The following ROBO2 variants were observed in gnomAD, a reference collection of about 807,000 sequenced individuals.
ROBO2 encodes the protein roundabout guidance receptor 2.
In ROBO2, 53 loss-of-function variants were observed where a neutral mutation model predicts 160.8. The ratio of observed to expected loss-of-function variants is 0.33; its 90% CI spans 0.26 to 0.41. ROBO2 has a LOEUF of 0.41. ROBO2 is among the 10% of genes least tolerant of loss of function. ROBO2 has a pLI of 1.00. For missense variants in ROBO2, 1,577 were observed against 1,722.4 expected, an observed-to-expected ratio of 0.92 and a Z score of 1.49; for synonymous variants, 664 against 611.7, an observed-to-expected ratio of 1.09 and a Z score of -1.26.
chr3:76,150,821 C>T (rs895280834), intron 2 of ROBO2, among the ~76,000 whole-genome samples: 17 of 152,164 alleles, frequency 1.1e-4, no homozygotes, highest in African/African-American at 4.1e-4. Context: ...TAGCATTTTT[C>T]TAAAATTAGA....
intron 2 of ROBO2, among the ~76,000 whole-genome samples, chr3:76,303,501 G>A (rs771350144): frequency 7.2e-5 from 11 of 151,848 alleles, no homozygotes; most frequent in Non-Finnish European, 1.2e-4. Context: ...CAAAATGCAC[G>A]CACCCAGGTC....
At chr3:77,229,107 A>G (rs2086845738) in intron 2 of ROBO2, among the ~76,000 whole-genome samples, 1 of 152,152 alleles carries the variant, frequency 6.6e-6, no homozygotes, top group South Asian at 2.1e-4. Context: ...GGTTTCTGTC[A>G]TGTATTTCTC....
intron 2 of ROBO2, among the ~76,000 whole-genome samples, chr3:77,383,422 T>A (rs1021568251): frequency 1.3e-5 from 2 of 152,046 alleles, no homozygotes; most frequent in African/African-American, 4.8e-5. Flanking sequence ...TTAATTAAAA[T>A]ATTTATTTTT....
At chr3:76,218,391 A>G (rs1224093354) in intron 2 of ROBO2, among the ~76,000 whole-genome samples, 2 of 152,124 alleles carry the variant, frequency 1.3e-5, no homozygotes, top group Admixed American at 6.6e-5. Flanking sequence ...TTGCAGATGA[A>G]GTGATTGTAT....
At chr3:76,897,678 A>C (rs902967621) in intron 2 of ROBO2, among the ~76,000 whole-genome samples, 2 of 151,748 alleles carry the variant, frequency 1.3e-5, no homozygotes, top group African/African-American at 2.4e-5. Context: ...TACTTTGTTA[A>C]AATTGAAATT....
chr3:76,642,907 A>G (rs915832397), intron 2 of ROBO2, among the ~76,000 whole-genome samples: 1 of 152,230 alleles, frequency 6.6e-6, no homozygotes. Flanking sequence ...TACTAAAAAA[A>G]TCATTAATAA....
intron 2 of ROBO2, among the ~76,000 whole-genome samples, chr3:76,298,819 T>C (rs187518672): frequency 8.8e-4 from 134 of 152,334 alleles, no homozygotes; most frequent in African/African-American, 2.9e-3. Flanking sequence ...AGATTTAGTA[T>C]CAAATTTTAT....
chr3:76,598,536 T>TA (rs2086889160), intron 2 of ROBO2, among the ~76,000 whole-genome samples: 2 of 152,272 alleles, frequency 1.3e-5, no homozygotes, highest in Admixed American at 6.5e-5. Context: ...TACGGTTTTA[T>TA]AAAATGTTAC....
At chr3:77,053,038 A>G (rs2065377312) in intron 1 of ROBO2, among the ~76,000 whole-genome samples, 2 of 152,328 alleles carry the variant, frequency 1.3e-5, no homozygotes, top group Admixed American at 6.5e-5. Flanking sequence ...AAAAAGTGGT[A>G]TTATTATAAT....
chr3:76,631,300 T>A (rs996442991), intron 2 of ROBO2, among the ~76,000 whole-genome samples: 8 of 152,136 alleles, frequency 5.3e-5, no homozygotes, highest in Non-Finnish European at 1.0e-4. Flanking sequence ...TTAGAAACAA[T>A]CTTGCTATAT....
chr3:77,296,467 A>G (rs2062136678), intron 2 of ROBO2, among the ~76,000 whole-genome samples: 2 of 152,144 alleles, frequency 1.3e-5, no homozygotes, highest in African/African-American at 2.4e-5. Flanking sequence ...ACTGCTGCAC[A>G]TTGGACTTGC....
In ROBO2 at chr3:76,033,242, T is replaced by C. The variant is rs1309909856; in HGVS notation, c.109+95640T>C. 2.6e-5 allele frequency among the ~76,000 whole-genome samples: 4 copies of C among 152,168 alleles called. No homozygotes were observed. In the East Asian group the frequency reaches 7.7e-4, roughly 29 times the overall value. On this transcript the variant is annotated intron_variant, in intron 2 of 26. Transcript: ENST00000487694. Reference sequence around the variant, plus strand: ...GAGCTTTCTATGTATTTTCTATTTCTTTCTTTAGACAATATTACCACGTGG... The same window carrying C: ...GAGCTTTCTATGTATTTTCTATTTCCTTCTTTAGACAATATTACCACGTGG...
intron 2 of ROBO2, among the ~76,000 whole-genome samples, chr3:77,030,186 C>T (rs992912253): frequency 3.3e-5 from 5 of 151,984 alleles, no homozygotes; most frequent in African/African-American, 7.3e-5. Flanking sequence ...CCTCGTGATC[C>T]GCCTGCCTCG....
chr3:77,164,465 A>C (rs78397475), intron 2 of ROBO2, among the ~76,000 whole-genome samples: 34,351 of 84,812 alleles, frequency 0.41, 6,956 homozygotes, highest in Middle Eastern at 0.56. Flanking sequence ...CCTGGCCAGC[A>C]GTGCTGTCCG....
chr3:76,203,398 G>T (rs1470569435), intron 2 of ROBO2, among the ~76,000 whole-genome samples: 1 of 151,752 alleles, frequency 6.6e-6, no homozygotes, highest in African/African-American at 2.4e-5. Context: ...ACCTGAGTGA[G>T]ATTGCCTCAG....
chr3:76,734,468 A>G lies in ROBO2; in HGVS notation c.110-363546A>G, dbSNP rs142256820. Among the ~76,000 whole-genome samples the G allele has an allele frequency of 4.3e-3, 653 of 152,312 alleles. 1 individual carries two copies. The highest frequency in any genetic ancestry group is 0.019 in the South Asian group (93 of 4,820). ...TTTACACATCACTGTCACAGCTTTT[A>G]AATGTATAAACCCACAGCTCATAAA... On this transcript the variant is annotated intron_variant, in intron 2 of 26. Transcript: ENST00000487694.
chr3:77,314,091 A>G (rs1319002874), intron 2 of ROBO2, among the ~76,000 whole-genome samples: 1 of 152,082 alleles, frequency 6.6e-6, no homozygotes. Context: ...ATCAACATAA[A>G]TCCCTCAGCC....
At chr3:76,705,886 G>C (rs2093150938) in intron 2 of ROBO2, among the ~76,000 whole-genome samples, 1 of 152,072 alleles carries the variant, frequency 6.6e-6, no homozygotes, top group Non-Finnish European at 1.5e-5. Flanking sequence ...ATAATGATTA[G>C]AATGGCGGGT....
chr3:77,221,848 C>CTTTTCCTTTTTTTTTTTTTT (rs1560275679), intron 2 of ROBO2, among the ~76,000 whole-genome samples: 1 of 145,006 alleles, frequency 6.9e-6, no homozygotes, highest in African/African-American at 2.6e-5. Flanking sequence ...TTTTCTTTTT[C>CTTTTCCTTTTTTTTTTTTTT]TTTTTCTTTT....
Sources: allele counts gnomAD v4.1 joint callset (sites outside exome capture counted in the v4.1 genomes callset), GRCh38; gene constraint gnomAD v4.1.1; transcripts MANE v1.5; gene names NCBI Gene and HGNC (gene_info 2026-07-23, HGNC 2026-07-21).